Variants in FGF13 observed in about 807,000 individuals in gnomAD.
FGF13 encodes the protein fibroblast growth factor 13.
In FGF13, 2 loss-of-function variants were observed where a neutral mutation model predicts 19.5. That is an observed-to-expected ratio of 0.10 (90% CI 0.04 to 0.32). FGF13 has a LOEUF of 0.32. Among genes scored for constraint, FGF13 ranks in the 10% least tolerant of loss-of-function variants. FGF13 has a pLI of 1.00. For synonymous variants in FGF13, 72 were observed against 76.9 expected (o/e 0.94, Z 0.33); for missense variants, 113 against 192.7 (o/e 0.59, Z 2.45).
chrX:139,127,050 T>C (rs1420628500), intron 1 of FGF13, among the ~76,000 whole-genome samples: 1 of 111,400 alleles, frequency 9.0e-6, no homozygotes, highest in African/African-American at 3.3e-5. Flanking sequence ...ATTTTCTTCT[T>C]AGGTATTAAT....
chrX:138,658,822 G>A (rs960743610), intron 3 of FGF13, among the ~76,000 whole-genome samples: 11 of 111,613 alleles, frequency 9.9e-5, no homozygotes, highest in Admixed American at 9.6e-4. Flanking sequence ...ATTTCTACTA[G>A]GCTACATAAT....
At chrX:138,812,825 C>A (rs900792437) in intron 3 of FGF13, among the ~76,000 whole-genome samples, 3 of 110,267 alleles carry the variant, frequency 2.7e-5, no homozygotes, top group Non-Finnish European at 1.9e-5. Flanking sequence ...TACCTATTGA[C>A]CCGTCTTCTA....
chrX:138,921,021 T>TACTTTCTTATC (rs1286738899), intron 1 of FGF13, among the ~76,000 whole-genome samples: 1 of 111,935 alleles, frequency 8.9e-6, no homozygotes, highest in East Asian at 2.8e-4. Flanking sequence ...TCTAAGCCTT[T>TACTTTCTTATC]ACTTTCTTAT....
At chrX:139,165,598 G>C (rs909360852) in intron 1 of FGF13, among the ~76,000 whole-genome samples, 5 of 111,422 alleles carry the variant, frequency 4.5e-5, no homozygotes, top group Non-Finnish European at 7.5e-5. Context: ...AACAGGCCTG[G>C]GTGGCCTCCA....
In FGF13 at chrX:138,831,071, T is replaced by C. The variant is rs2091069827; in HGVS notation, c.217+26441A>G. Among the ~76,000 whole-genome samples the C allele has an allele frequency of 6.3e-5, 7 of 110,742 alleles. No individual in the cohort carries two copies. In the South Asian group the frequency reaches 2.7e-3, roughly 43 times the overall value. ...CAACCCAGCTGTGGCCCAAGTGAGCTCAGGTGCAGCTCAACCTGTTGCTCC... is the reference window on the plus strand; with the variant it reads ...CAACCCAGCTGTGGCCCAAGTGAGCCCAGGTGCAGCTCAACCTGTTGCTCC... On this transcript the variant is annotated intron_variant, in intron 3 of 6. Transcript: ENST00000436198.
chrX:138,812,764 C>T (rs1157107945), intron 3 of FGF13, among the ~76,000 whole-genome samples: 10 of 111,201 alleles, frequency 9.0e-5, no homozygotes, highest in Non-Finnish European at 1.3e-4. Context: ...GCAGAACGTG[C>T]GGGTTTCCAG....
At chrX:139,005,197 C>G (rs1373105337) in intron 1 of FGF13, among the ~76,000 whole-genome samples, 1 of 53,208 alleles carries the variant, frequency 1.9e-5, no homozygotes, top group African/African-American at 5.6e-5. Context: ...GTCACTGCCC[C>G]CCCCCCCCCC....
intron 3 of FGF13, among the ~76,000 whole-genome samples, chrX:138,654,145 G>T (rs1024844367): frequency 9.0e-6 from 1 of 111,498 alleles, no homozygotes; most frequent in African/African-American, 3.3e-5. Flanking sequence ...TTAAAATGGG[G>T]AAAATATAGT....
At chrX:138,648,285 C>G (rs1346192699) in intron 3 of FGF13, among the ~76,000 whole-genome samples, 2 of 111,136 alleles carry the variant, frequency 1.8e-5, no homozygotes, top group Non-Finnish European at 3.8e-5. Flanking sequence ...CAAATCAAGT[C>G]CTATTTTTTA....
intron 1 of FGF13, among the ~76,000 whole-genome samples, chrX:139,016,539 C>T (rs2092153955): frequency 8.9e-6 from 1 of 112,064 alleles, no homozygotes; most frequent in African/African-American, 3.2e-5. Context: ...CCTCTCCTCT[C>T]GCCTTTTCCT....
chrX:138,786,339 T>G, intron 3 of FGF13, among the ~76,000 whole-genome samples: 1 of 109,634 alleles, frequency 9.1e-6, no homozygotes, highest in African/African-American at 3.3e-5. Flanking sequence ...TGGGCCAAGG[T>G]GGGATGGAAC....
At chrX:138,821,090 G>A (rs1355559389) in intron 3 of FGF13, among the ~76,000 whole-genome samples, 3 of 111,663 alleles carry the variant, frequency 2.7e-5, no homozygotes, top group Non-Finnish European at 5.6e-5. Context: ...GAGCATGACA[G>A]CCTGAGGTAA....
At chrX:138,915,126 A>C (rs1371936374) in intron 1 of FGF13, among the ~76,000 whole-genome samples, 1 of 111,567 alleles carries the variant, frequency 9.0e-6, no homozygotes, top group Non-Finnish European at 1.9e-5. Flanking sequence ...CATGTTCTGC[A>C]CAATTCCTAG....
chrX:138,981,732 T>C (rs1412536066), intron 1 of FGF13, among the ~76,000 whole-genome samples: 1 of 111,020 alleles, frequency 9.0e-6, no homozygotes, highest in Non-Finnish European at 1.9e-5. Flanking sequence ...GCAAAAGACA[T>C]TTAATTCTAG....
At chrX:138,663,692 G>A (rs2089511563) in intron 3 of FGF13, among the ~76,000 whole-genome samples, 1 of 111,623 alleles carries the variant, frequency 9.0e-6, no homozygotes, top group Admixed American at 9.6e-5. Flanking sequence ...TTGTGGTTGT[G>A]GATAATCTTA....
chrX:139,165,190 T>C (rs2084072271), intron 1 of FGF13, among the ~76,000 whole-genome samples: 1 of 112,411 alleles, frequency 8.9e-6, no homozygotes. Context: ...ATTGTGTCCA[T>C]GTCCTAGGAT....
At chrX:138,754,106 T>C (rs17001790) in intron 3 of FGF13, among the ~76,000 whole-genome samples, 6,108 of 111,902 alleles carry the variant, frequency 0.055, 404 homozygotes, top group African/African-American at 0.18. Context: ...ATACACAGTC[T>C]TAACTGGAAT....
intron 1 of FGF13, among the ~76,000 whole-genome samples, chrX:138,883,511 G>A (rs998888000): frequency 1.8e-5 from 2 of 111,555 alleles, no homozygotes; most frequent in African/African-American, 6.5e-5. Flanking sequence ...ATGCCACCAC[G>A]AAGCGGAGGT....
intron 1 of FGF13, among the ~76,000 whole-genome samples, chrX:138,936,728 C>T (rs1001262995): frequency 4.5e-5 from 5 of 111,850 alleles, no homozygotes; most frequent in South Asian, 7.5e-4. Flanking sequence ...TTCCTTTCTA[C>T]GGAAGCACAC....
Sources: allele counts gnomAD v4.1 joint callset (sites outside exome capture counted in the v4.1 genomes callset), GRCh38; gene constraint gnomAD v4.1.1; transcripts MANE v1.5; gene names NCBI Gene and HGNC (gene_info 2026-07-23, HGNC 2026-07-21).